The following PCDH11Y variants were observed in gnomAD, a reference collection of about 807,000 sequenced individuals.
The protein encoded by PCDH11Y is protocadherin-11 Y-linked.
For synonymous variants in PCDH11Y, 9 were observed against 83.6 expected (o/e 0.11, Z 4.87); for missense variants, 12 against 224.8 (o/e 0.05, Z 6.05).
At chrY:5,070,893 C>T (rs2124630663) in intron 1 of PCDH11Y, among the ~76,000 whole-genome samples, 1 of 30,473 alleles carries the variant, frequency 3.3e-5, no homozygotes, top group Admixed American at 3.0e-4. Flanking sequence ...ATCTGTTGTT[C>T]CCTTCTTTGT....
At chrY:5,044,458 G>T in intron 3 of PCDH11Y, among the ~76,000 whole-genome samples, 1 of 33,414 alleles carries the variant, frequency 3.0e-5, no homozygotes, top group Non-Finnish European at 7.4e-5. Context: ...CAGTTTGATT[G>T]CACTGTGGTC....
intron 4 of PCDH11Y, among the ~76,000 whole-genome samples, chrY:5,682,104 G>T (rs2053559009): frequency 3.2e-5 from 1 of 30,850 alleles, no homozygotes; most frequent in Admixed American, 3.1e-4. Flanking sequence ...TCACTAAAAA[G>T]TTTCAAACAT....
At chrY:5,194,432 C>CA (rs1444727257) in intron 2 of PCDH11Y, among the ~76,000 whole-genome samples, 10 of 4,603 alleles carry the variant, frequency 2.2e-3, no homozygotes, top group East Asian at 0.015. Context: ...ACCCTTGTCT[C>CA]AAAAAAAAAA....
chrY:5,683,006 C>CA (rs2053560066), intron 4 of PCDH11Y, among the ~76,000 whole-genome samples: 2 of 32,951 alleles, frequency 6.1e-5, no homozygotes, highest in African/African-American at 2.4e-4. Context: ...CAGAATAGTA[C>CA]AACACTGTAA....
chrY:5,495,526 A>G, intron 2 of PCDH11Y, among the ~76,000 whole-genome samples: 1 of 33,727 alleles, frequency 3.0e-5, no homozygotes, highest in Non-Finnish European at 7.3e-5. Context: ...TACGTAAATC[A>G]AAAACAAACT....
chrY:5,039,793 C>T, intron 3 of PCDH11Y, among the ~76,000 whole-genome samples: 3 of 32,882 alleles, frequency 9.1e-5, no homozygotes, highest in Admixed American at 2.8e-4. Context: ...TAACAATAAC[C>T]GCAAATGCAT....
At chrY:5,023,533 A>G in intron 1 of PCDH11Y, among the ~76,000 whole-genome samples, 1 of 34,242 alleles carries the variant, frequency 2.9e-5, no homozygotes, top group Non-Finnish European at 7.3e-5. Flanking sequence ...TGACAATCAT[A>G]CACATGCATC....
At chrY:5,714,139 C>T (rs2053588664) in intron 4 of PCDH11Y, among the ~76,000 whole-genome samples, 1 of 32,679 alleles carries the variant, frequency 3.1e-5, no homozygotes, top group Non-Finnish European at 7.5e-5. Context: ...AAATTGGAGA[C>T]ACTGGTTATT....
intron 2 of PCDH11Y, among the ~76,000 whole-genome samples, chrY:5,343,340 A>G (rs75703650): frequency 3.9e-5 from 1 of 25,554 alleles, no homozygotes; most frequent in African/African-American, 1.6e-4. Context: ...TGCAAGCTCC[A>G]CCTCCCGGGT....
intron 2 of PCDH11Y, among the ~76,000 whole-genome samples, chrY:5,367,470 C>T: frequency 1.7e-4 from 4 of 24,074 alleles, no homozygotes; most frequent in Admixed American, 1.6e-3. Flanking sequence ...CTGCAAGCTC[C>T]GCTTCCCGGG....
At chrY:5,107,991 G>A (rs2052795347), downstream of PCDH11Y, among the ~76,000 whole-genome samples, 1 of 29,290 alleles carries the variant, frequency 3.4e-5, no homozygotes, top group East Asian at 8.9e-4. Context: ...CCCGGGAGGC[G>A]GAGCTTGCAG....
chrY:5,545,830 A>C, intron 3 of PCDH11Y, among the ~76,000 whole-genome samples: 1 of 32,547 alleles, frequency 3.1e-5, no homozygotes, highest in Non-Finnish European at 7.6e-5. Flanking sequence ...TATATATGAT[A>C]GCTAAATAAA....
intron 2 of PCDH11Y, among the ~76,000 whole-genome samples, chrY:5,355,098 T>A: frequency 3.2e-5 from 1 of 31,668 alleles, no homozygotes; most frequent in South Asian, 7.3e-4. Context: ...CCATCTCTAC[T>A]AAAAATACAA....
At chrY:5,725,392 C>T in intron 4 of PCDH11Y, among the ~76,000 whole-genome samples, 1 of 32,904 alleles carries the variant, frequency 3.0e-5, no homozygotes, top group Non-Finnish European at 7.4e-5. Flanking sequence ...TTAAAACTTT[C>T]CTCAAACCAA....
chrY:5,668,489 A>C, intron 4 of PCDH11Y, among the ~76,000 whole-genome samples: 1 of 32,365 alleles, frequency 3.1e-5, no homozygotes. Flanking sequence ...TTAATGCCTT[A>C]CATTGCCTTA....
intron 3 of PCDH11Y, among the ~76,000 whole-genome samples, chrY:5,556,721 A>G: frequency 3.1e-5 from 1 of 31,961 alleles, no homozygotes; most frequent in Non-Finnish European, 7.7e-5. Flanking sequence ...GAATGCAGCC[A>G]TAAATTATAT....
At chrY:5,312,860 C>T in intron 2 of PCDH11Y, among the ~76,000 whole-genome samples, 1 of 31,917 alleles carries the variant, frequency 3.1e-5, no homozygotes, top group South Asian at 6.9e-4. Context: ...CTGAGCAACA[C>T]ATTTTTGCTC....
At chrY:5,104,913 C>T, downstream of PCDH11Y, 1 of 224,691 alleles carries the variant, frequency 4.5e-6, no homozygotes, top group Non-Finnish European at 5.3e-6. Context: ...CATAATATTG[C>T]TGAGAAAATC....
intron 2 of PCDH11Y, among the ~76,000 whole-genome samples, chrY:5,129,981 G>A: frequency 6.0e-5 from 2 of 33,371 alleles, no homozygotes; most frequent in Non-Finnish European, 1.5e-4. Context: ...GTTAGTTTGC[G>A]AAGAATAATG....
Sources: allele counts gnomAD v4.1 joint callset (sites outside exome capture counted in the v4.1 genomes callset), GRCh38; gene constraint gnomAD v4.1.1; transcripts MANE v1.5; gene names NCBI Gene and HGNC (gene_info 2026-07-23, HGNC 2026-07-21).